Variants in CRACR2B observed in about 807,000 individuals in gnomAD.
CRACR2B encodes calcium release activated channel regulator 2B, also known as EF-hand calcium-binding domain-containing protein 4A.
A neutral mutation model predicts 46.0 loss-of-function variants in CRACR2B; 50 were observed. The observed-to-expected ratio is 1.09, with a 90% confidence interval of 0.87 to 1.38. The LOEUF is 1.38. Ranked by LOEUF, CRACR2B falls within the 40% of genes most tolerant of loss-of-function variation. The pLI is 0.00. For synonymous variants in CRACR2B, 277 were observed against 239.6 expected (o/e 1.16, Z -1.44); for missense variants, 667 against 535.0 (o/e 1.25, Z -2.43).
Position 829,433 on chromosome 11 carries a change from CGGG to C in CRACR2B, c.352_354del (p.Gly118del). 5.0e-6 allele frequency: 8 copies of C among 1,609,882 alleles called. No homozygotes were observed. The highest frequency in any genetic ancestry group is 6.8e-6 in the Non-Finnish European group (8 of 1,178,990). On this transcript the variant is annotated inframe_deletion, in exon 3 of 9. Transcript: ENST00000525077. ...CTCCCGAGGAGACCTTTGAGTCGGGCGGGCTCGACGTGCAGGGCACGGCGGGCT... is the reference window on the plus strand; with the variant it reads ...CTCCCGAGGAGACCTTTGAGTCGGGCCTCGACGTGCAGGGCACGGCGGGCT...
intron 2 of CRACR2B, 113 bp from the exon 3 acceptor site, chr11:829,246 GA>G: frequency 6.8e-7 from 1 of 1,477,592 alleles, no homozygotes. Context: ...AATAAGGAAG[GA>G]AAACAGGAAA....
At chr11:826,644 C>T (rs180802393), upstream of CRACR2B, among the ~76,000 whole-genome samples, 8 of 152,344 alleles carry the variant, frequency 5.3e-5, no homozygotes, top group South Asian at 8.3e-4. Context: ...CTGGCTCAGC[C>T]TCCCAAAGTG....
chr11:827,029 CG>C (rs11340204), upstream of CRACR2B, among the ~76,000 whole-genome samples: 13,513 of 152,226 alleles, frequency 0.089, 698 homozygotes, highest in East Asian at 0.14. Context: ...GTCCCTGCTC[CG>C]GGGGGTCCCT....
At position 828,410 on chromosome 11, in the gene CRACR2B, A is replaced by C. The variant is rs1263470638; in HGVS notation, c.-198A>C. 1.7e-6 allele frequency: 1 copy of C among 605,482 alleles called. No individual in the cohort carries two copies. Among genetic ancestry groups the C allele is most frequent in the East Asian group, 3.1e-5 (1 of 32,274 alleles). The allele number at this position is 605,482 out of a possible 1,614,324, so 37.5% of individuals were successfully genotyped here. A position where few individuals can be genotyped will look rare whatever the true frequency, so the allele number is the denominator to read the frequency against. ...AGCCTACATCAACCACCCCAGTGACACCCCAAGCCTGCAGCATTTTCCACC... is the reference window on the plus strand; with the variant it reads ...AGCCTACATCAACCACCCCAGTGACCCCCCAAGCCTGCAGCATTTTCCACC... On this transcript the variant is annotated 5_prime_UTR_variant, in exon 1 of 9. Transcript: ENST00000525077.
chr11:831,751 C>T lies in CRACR2B; in HGVS notation c.*42C>T, dbSNP rs374178148. 9.1e-5 allele frequency: 134 copies of T among 1,465,492 alleles called. No homozygotes were observed. The Middle Eastern group carries it at 1.7e-3, about 18-fold the overall frequency. 90.8% of individuals were successfully genotyped at this position (1,465,492 alleles called of 1,614,324 possible). A position where few individuals can be genotyped will look rare whatever the true frequency, so the allele number is the denominator to read the frequency against. On this transcript the variant is annotated 3_prime_UTR_variant, in exon 9 of 9. Transcript: ENST00000525077. ...CACGGACCATGAGCTAGAAGCTGCC[C>T]TTGCAGGAGGCTTGTCATGGGTCGG...
In CRACR2B at chr11:830,023, C is replaced by G; in HGVS notation, c.496C>G (p.Arg166Gly). The change falls in exon 4 of 9, where the codon CGC becomes GGC. Residue 166 changes from arginine to glycine, a missense_variant. Physicochemically the swap from Arg to Gly is moderately radical, Grantham distance 125. Coordinates refer to ENST00000525077, the MANE Select transcript of CRACR2B (RefSeq NM_001286606.2). ...GAGGACGCTCTGGGCCAGGCTGCAG[C>G]GCGAGCGCCCCGAGCTGCTGGGCTC... The part of the protein sequence containing the change: ...AVRTLWARLQ[R>G]ERPELLGSFE... 2 of 1,570,160 alleles carry G rather than the reference C, an allele frequency of 1.3e-6. No homozygotes were observed. The highest frequency in any genetic ancestry group is 1.1e-5 in the South Asian group (1 of 87,256).
At chr11:826,962 C>A (rs994977486), upstream of CRACR2B, among the ~76,000 whole-genome samples, 5 of 152,262 alleles carry the variant, frequency 3.3e-5, no homozygotes, top group Non-Finnish European at 7.3e-5. Flanking sequence ...CGGGCTCCCC[C>A]CGGACAGGAG....
In CRACR2B at chr11:828,674, T is replaced by G. The variant is rs747504738; in HGVS notation, c.67T>G (p.Ser23Ala). ...GGAGGAGGGGGAACTCGAGGGGGGC[T>G]CTGCAGGGCCGCGGGCTGCAATACT... ...QEEEGELEGGSAGPRAAILEQ... is the reference protein window; with the variant it reads ...QEEEGELEGGAAGPRAAILEQ... Residue 23 changes from serine (S) to alanine (A), a missense_variant, in exon 1 of 9, where the codon TCT becomes GCT. Ser to Ala is a moderately conservative substitution (Grantham distance 99). Coordinates refer to ENST00000525077, the MANE Select transcript of CRACR2B (RefSeq NM_001286606.2). 6.2e-7 allele frequency: 1 copy of G among 1,609,464 alleles called. No homozygotes were observed. Among genetic ancestry groups the G allele is most frequent in the Non-Finnish European group, 8.5e-7 (1 of 1,178,748 alleles).
Position 828,890 on chromosome 11 carries a change from G to A in CRACR2B, c.204G>A (p.Leu68=). 6.2e-7 allele frequency: 1 copy of A among 1,610,024 alleles called. No homozygotes were observed. Among genetic ancestry groups the A allele is most frequent in the Non-Finnish European group, 8.5e-7 (1 of 1,179,906 alleles). The part of the protein sequence containing the change: ...QSDLPLTPEQ[L]EAVFESLDRA... ...ACCTGCCCCTCACGCCAGAGCAGCTGGAGGCTGTGTTTGAAAGTCTGGACC... is the reference window on the plus strand; with the variant it reads ...ACCTGCCCCTCACGCCAGAGCAGCTAGAGGCTGTGTTTGAAAGTCTGGACC... Residue 68 remains leucine (L), a synonymous_variant, in exon 2 of 9, where the codon CTG becomes CTA. Coordinates refer to ENST00000525077, the MANE Select transcript of CRACR2B (RefSeq NM_001286606.2).
In CRACR2B at chr11:828,000, T is replaced by G. The variant is rs554806535; in HGVS notation, c.-608T>G. Among the ~76,000 whole-genome samples, 2 of 152,046 alleles carry G rather than the reference T, an allele frequency of 1.3e-5. No individual in the cohort carries two copies. The highest frequency in any genetic ancestry group is 2.9e-5 in the Non-Finnish European group (2 of 67,978). On this transcript the variant is annotated 5_prime_UTR_variant, in exon 1 of 9. Coordinates refer to ENST00000525077, the MANE Select transcript of CRACR2B (RefSeq NM_001286606.2). Reference sequence around the variant, plus strand: ...GTCAGAGGCGAAGGGCTCTGCAGGCTGGGACCTTGCCCCTGCACTCTGTGG... The same window carrying G: ...GTCAGAGGCGAAGGGCTCTGCAGGCGGGGACCTTGCCCCTGCACTCTGTGG...
chr11:828,334 T>C lies in CRACR2B; in HGVS notation c.-274T>C. Reference sequence around the variant, plus strand: ...CCTGAAGTTGGCAGCCCCTCCTGGGTTCCAGCCTCCTGAGATGCCAGACCC... The same window carrying C: ...CCTGAAGTTGGCAGCCCCTCCTGGGCTCCAGCCTCCTGAGATGCCAGACCC... On this transcript the variant is annotated 5_prime_UTR_variant, in exon 1 of 9. Transcript: ENST00000525077. 1 of 436,046 alleles carries C rather than the reference T, an allele frequency of 2.3e-6. No individual in the cohort carries two copies. The highest frequency in any genetic ancestry group is 4.2e-5 in the East Asian group (1 of 23,660). The allele number at this position is 436,046 out of a possible 1,614,324, so 27.0% of individuals were successfully genotyped here. A position where few individuals can be genotyped will look rare whatever the true frequency, so the allele number is the denominator to read the frequency against.
rs765049724 is a variant in CRACR2B at position 828,584 on chromosome 11, G to C, written c.-24G>C. 2.3e-5 allele frequency: 36 copies of C among 1,569,700 alleles called. No individual in the cohort carries two copies. In the South Asian group the frequency reaches 4.0e-4, roughly 17 times the overall value. ...TCCCTTGGCTTCACAGCACCTGAAG[G>C]CCAGGCTGAGGCCCCCTGCTCTCAT... On this transcript the variant is annotated 5_prime_UTR_variant, in exon 1 of 9. Coordinates refer to ENST00000525077, the MANE Select transcript of CRACR2B (RefSeq NM_001286606.2).
chr11:831,306 G>T lies in CRACR2B; in HGVS notation c.1025+11G>T, dbSNP rs781355491. 2 of 1,598,448 alleles carry T rather than the reference G, an allele frequency of 1.3e-6. No homozygotes were observed. The highest frequency in any genetic ancestry group is 1.1e-5 in the South Asian group (1 of 89,762). On this transcript the variant is annotated intron_variant, in intron 8 of 8. Coordinates refer to ENST00000525077, the MANE Select transcript of CRACR2B (RefSeq NM_001286606.2). ...ACTGGAGCTGCTCAGGTACGGTCAG[G>T]CTCAGGCCCGAGAGGGAATGGGCTC...
In CRACR2B at chr11:828,750, T is replaced by C; in HGVS notation, c.143T>C (p.Phe48Ser). ...CTGTGTGACAAGGAGGCTAAGGGCT[T>C]CATCACCAAGCACGACCTGCAGGTG... ...FLLCDKEAKG[F>S]ITKHDLQGLQ... The change falls in exon 1 of 9, where the codon TTC becomes TCC. Residue 48 changes from phenylalanine to serine, a missense_variant. Transcript: ENST00000525077. The C allele has an allele frequency of 6.2e-7, 1 of 1,613,546 alleles. No homozygotes were observed. The highest frequency in any genetic ancestry group is 8.5e-7 in the Non-Finnish European group (1 of 1,179,900).
intron 3 of CRACR2B, 168 bp from the exon 4 acceptor site, chr11:829,818 C>T (rs1464984283): frequency 6.8e-6 from 9 of 1,323,340 alleles, no homozygotes; most frequent in Non-Finnish European, 9.0e-6. Flanking sequence ...TCACCGACCA[C>T]GCACGCCGGG....
rs890927756 is a variant in CRACR2B, at chr11:831,981, A to G, written c.*272A>G. On this transcript the variant is annotated 3_prime_UTR_variant, in exon 9 of 9. Transcript: ENST00000525077. ...CCCCCTCGTCAAATAAAACCCACTGACTGCACTGCGTCCTCCTGGGCCTTC... is the reference window on the plus strand; with the variant it reads ...CCCCCTCGTCAAATAAAACCCACTGGCTGCACTGCGTCCTCCTGGGCCTTC... 2.0e-4 allele frequency: 94 copies of G among 480,166 alleles called. 1 individual carries two copies. The highest frequency in any genetic ancestry group is 3.1e-4 in the Non-Finnish European group (85 of 274,476). 29.7% of individuals were successfully genotyped at this position (480,166 alleles called of 1,614,324 possible).
Position 829,484 on chromosome 11 carries a change from G to A in CRACR2B, c.402G>A (p.Glu134=), listed in dbSNP as rs776795542. ...GCTCTCTGGATGAGGAGGAGGAAGA[G>A]GAGGAGCGATTCCACACTGTGCTGG... ...TAGSLDEEEE[E]EERFHTVLEQ... is the part of the protein sequence containing the mutation. The change falls in exon 3 of 9, where the codon GAG becomes GAA. Residue 134 remains glutamate (E), a synonymous_variant. Transcript: ENST00000525077. 24 of 1,608,282 alleles carry A rather than the reference G, an allele frequency of 1.5e-5. No homozygotes were observed. In the Admixed American group the frequency reaches 3.4e-4, roughly 23 times the overall value.
At position 831,582 on chromosome 11, in the gene CRACR2B, G is replaced by C. The variant is rs1565111199; in HGVS notation, c.1073G>C (p.Arg358Thr). The C allele has an allele frequency of 6.3e-7, 1 of 1,592,522 alleles. No individual in the cohort carries two copies. The highest frequency in any genetic ancestry group is 1.8e-5 in the Admixed American group (1 of 54,794). The change falls in exon 9 of 9, where the codon AGG becomes ACG. Residue 358 changes from arginine to threonine, a missense_variant. Coordinates refer to ENST00000525077, the MANE Select transcript of CRACR2B (RefSeq NM_001286606.2). Reference sequence around the variant, plus strand: ...GATGACAGGGACGCCTGCGAGGCCAGGCGGGCGGGCAGCAGCTGCAGGAAG... The same window carrying C: ...GATGACAGGGACGCCTGCGAGGCCACGCGGGCGGGCAGCAGCTGCAGGAAG... ...LRDDRDACEA[R>T]RAGSSCRKAL... is the part of the protein sequence containing the mutation.
Position 831,855 on chromosome 11 carries a change from G to A in CRACR2B, c.*146G>A. ...TGAAGACATGAAGGACCTAGCCTAG[G>A]AGTGGTCAGGGTCCCGGGAGTGGCC... On this transcript the variant is annotated 3_prime_UTR_variant, in exon 9 of 9. Transcript: ENST00000525077. The A allele has an allele frequency of 9.5e-7, 1 of 1,055,374 alleles. No individual in the cohort carries two copies. Among genetic ancestry groups the A allele is most frequent in the Non-Finnish European group, 1.3e-6 (1 of 776,702 alleles). 65.4% of individuals were successfully genotyped at this position (1,055,374 alleles called of 1,614,324 possible). A position where few individuals can be genotyped will look rare whatever the true frequency, so the allele number is the denominator to read the frequency against.
Sources: gnomAD v4.1 joint callset for allele counts (sites outside exome capture counted in the v4.1 genomes callset) on GRCh38, gnomAD v4.1.1 for gene constraint, MANE v1.5 for transcripts, NCBI Gene and HGNC (gene_info 2026-07-23, HGNC 2026-07-21) for gene names.